Variants in THBS4 observed in about 807,000 individuals in gnomAD.
THBS4 encodes thrombospondin 4, also known as thrombospondin-4.
THBS4 carries 90 observed loss-of-function variants against 115.7 expected under a neutral mutation model. The ratio of observed to expected loss-of-function variants is 0.78; its 90% CI spans 0.66 to 0.93. The LOEUF (loss-of-function observed/expected upper bound fraction) is 0.93. Among genes scored for constraint, THBS4 ranks in the 40% least tolerant of loss-of-function variants. THBS4 has a pLI of 0.00. For synonymous variants in THBS4, 460 were observed against 479.3 expected (o/e 0.96, Z 0.53); for missense variants, 1,087 against 1,232.7 (o/e 0.88, Z 1.77).
intron 1 of THBS4, among the ~76,000 whole-genome samples, chr5:79,996,589 T>C (rs924450954): frequency 2.6e-5 from 4 of 152,178 alleles, no homozygotes; most frequent in South Asian, 2.1e-4. Context: ...CCTCTAAAGA[T>C]ACTTTGTTAC....
intron 2 of THBS4, among the ~76,000 whole-genome samples, chr5:80,054,890 G>A (rs1278417775): frequency 6.6e-6 from 1 of 152,196 alleles, no homozygotes; most frequent in Non-Finnish European, 1.5e-5. Flanking sequence ...CATTGCTTTA[G>A]TCATGGAATG....
At chr5:80,036,270 A>AATC in intron 1 of THBS4, 1 of 897,272 alleles carries the variant, frequency 1.1e-6, no homozygotes, top group Non-Finnish European at 1.3e-6. Flanking sequence ...TCCTAAGTGG[A>AATC]TTAAGGCAGG....
chr5:80,080,107 C>A (rs779258285), intron 20 of THBS4, 30 bp downstream of exon 20: 3 of 1,601,316 alleles, frequency 1.9e-6, no homozygotes, highest in Admixed American at 1.7e-5. Context: ...CCTTACCTTG[C>A]TCTAGAAGCA....
In THBS4 at chr5:80,073,438, C is replaced by A. The variant is rs1050385720; in HGVS notation, c.1892+111C>A. 6.4e-6 allele frequency: 6 copies of A among 942,056 alleles called. No individual in the cohort carries two copies. In the South Asian group the frequency reaches 8.7e-5, roughly 14 times the overall value. The allele number at this position is 942,056 out of a possible 1,614,324, so 58.4% of individuals were successfully genotyped here. A position where few individuals can be genotyped will look rare whatever the true frequency, so the allele number is the denominator to read the frequency against. ...TCACTCTATCACCCAGGCTGGAGTACAGTGGTGCAATCTCGGCTCACTGCA... is the reference window on the plus strand; with the variant it reads ...TCACTCTATCACCCAGGCTGGAGTAAAGTGGTGCAATCTCGGCTCACTGCA... On this transcript the variant is annotated intron_variant, in intron 15 of 21. Transcript: ENST00000350881.
intron 1 of THBS4, among the ~76,000 whole-genome samples, chr5:79,998,178 G>T (rs1831833216): frequency 6.6e-6 from 1 of 152,156 alleles, no homozygotes. Context: ...ATGTCGAATT[G>T]TAATCCCCAC....
At chr5:80,064,234 C>CTGTT in intron 8 of THBS4, among the ~76,000 whole-genome samples, 1 of 152,320 alleles carries the variant, frequency 6.6e-6, no homozygotes, top group Non-Finnish European at 1.5e-5. Context: ...AGTTCCAAAT[C>CTGTT]TGTTATACAT....
At position 80,071,200 on chromosome 5, in the gene THBS4, G is replaced by A. The variant is rs949897068; in HGVS notation, c.1720+20G>A. ...GAGATGGTAGATTTATCTTGCTTTT[G>A]TCTTTTATTTGGAATTCAGTTGACC... On this transcript the variant is annotated intron_variant, in intron 13 of 21. Coordinates refer to ENST00000350881, the MANE Select transcript of THBS4 (RefSeq NM_003248.6). 1 of 1,560,182 alleles carries A rather than the reference G, an allele frequency of 6.4e-7. No individual in the cohort carries two copies. The highest frequency in any genetic ancestry group is 8.6e-7 in the Non-Finnish European group (1 of 1,159,704).
intron 2 of THBS4, among the ~76,000 whole-genome samples, chr5:80,015,997 C>T (rs1479460425): frequency 6.6e-6 from 1 of 152,112 alleles, no homozygotes; most frequent in Non-Finnish European, 1.5e-5. Context: ...CATGATGCAT[C>T]CATTTCCACC....
intron 10 of THBS4, among the ~76,000 whole-genome samples, chr5:80,069,169 T>C (rs1446466854): frequency 6.6e-6 from 1 of 152,260 alleles, no homozygotes; most frequent in East Asian, 1.9e-4. Flanking sequence ...CAAGATGGAT[T>C]CTCGGAGCCC....
At chr5:80,000,413 C>T (rs1831875765) in intron 2 of THBS4, among the ~76,000 whole-genome samples, 1 of 152,190 alleles carries the variant, frequency 6.6e-6, no homozygotes, top group Admixed American at 6.5e-5. Context: ...TGTGTCCTCT[C>T]TTTCCATTGC....
In THBS4 at chr5:80,058,330, C is replaced by G; in HGVS notation, c.649+16C>G. On this transcript the variant is annotated intron_variant, in intron 4 of 21. Transcript: ENST00000350881. ...ACAGGCACAGGTGTGGGCTCTTGGG[C>G]AGTTTGCATGCCTTCATCAACACAA... The G allele has an allele frequency of 6.5e-7, 1 of 1,532,348 alleles. No homozygotes were observed. Among genetic ancestry groups the G allele is most frequent in the Non-Finnish European group, 8.8e-7 (1 of 1,131,054 alleles). The allele number at this position is 1,532,348 out of a possible 1,614,324, so 94.9% of individuals were successfully genotyped here.
At position 80,029,967 on chromosome 5, in the gene THBS4, C is replaced by CA. The variant is rs200352278; in HGVS notation, n.178-10101dup. On this transcript the variant is annotated intron_variant and non_coding_transcript_variant, in intron 2 of 3. Transcript: ENST00000510218. ...CCTGGGCGACAGCGAGACTCCATCT[C>CA]AAAAAAAAATAATAGGAAATTCTAC... is the stretch of plus-strand genomic sequence containing the variant. Among the ~76,000 whole-genome samples, 282 of 149,982 alleles carry CA rather than the reference C, an allele frequency of 1.9e-3. 3 individuals are homozygous for CA. Among genetic ancestry groups the CA allele is most frequent in the Middle Eastern group, 6.9e-3 (2 of 290 alleles).
At chr5:80,009,108 A>C (rs1288475049) in intron 2 of THBS4, among the ~76,000 whole-genome samples, 1 of 152,204 alleles carries the variant, frequency 6.6e-6, no homozygotes, top group Non-Finnish European at 1.5e-5. Context: ...AGAAAAAGGC[A>C]GTAGAAAGTA....
At chr5:80,028,750 T>G (rs1200419642) in intron 2 of THBS4, among the ~76,000 whole-genome samples, 1 of 152,170 alleles carries the variant, frequency 6.6e-6, no homozygotes, top group East Asian at 1.9e-4. Flanking sequence ...TGAGCTACCA[T>G]GCCCGGCCCA....
At chr5:80,011,886 GAAAA>G (rs549010019) in intron 2 of THBS4, among the ~76,000 whole-genome samples, 4 of 148,486 alleles carry the variant, frequency 2.7e-5, no homozygotes, top group Non-Finnish European at 4.5e-5. Context: ...TAAAAAAAAA[GAAAA>G]AAAAGAAAGA....
intron 2 of THBS4, among the ~76,000 whole-genome samples, chr5:80,018,659 T>C (rs537615688): frequency 2.0e-5 from 3 of 152,314 alleles, no homozygotes; most frequent in African/African-American, 7.2e-5. Context: ...CCTTCCAAAG[T>C]GCTAGGATTA....
At chr5:80,060,685 G>A (rs1165926501) in intron 7 of THBS4, among the ~76,000 whole-genome samples, 2 of 152,222 alleles carry the variant, frequency 1.3e-5, no homozygotes, top group Non-Finnish European at 2.9e-5. Flanking sequence ...GCCTGAGGCA[G>A]GAGGTTGAGG....
chr5:80,070,276 CCAGGCCT>C, intron 10 of THBS4, 23 bp from the exon 11 acceptor site: 1 of 1,532,408 alleles, frequency 6.5e-7, no homozygotes, highest in Non-Finnish European at 8.7e-7. Context: ...GCTCAGCTTC[CCAGGCCT>C]CTGATGGGCT....
chr5:80,051,953 T>G (rs569003155), intron 2 of THBS4, among the ~76,000 whole-genome samples: 2 of 152,090 alleles, frequency 1.3e-5, no homozygotes, highest in Non-Finnish European at 2.9e-5. Context: ...AAATCAAGAG[T>G]TTTTGTTATA....
Sources: gnomAD v4.1 joint callset for allele counts (sites outside exome capture counted in the v4.1 genomes callset) on GRCh38, gnomAD v4.1.1 for gene constraint, MANE v1.5 for transcripts, NCBI Gene and HGNC (gene_info 2026-07-23, HGNC 2026-07-21) for gene names.